The following ANKS1B variants were observed in gnomAD, a reference collection of about 807,000 sequenced individuals.
The protein encoded by ANKS1B is ankyrin repeat and sterile alpha motif domain containing 1B, also known as ankyrin repeat and sterile alpha motif domain-containing protein 1B.
ANKS1B carries 36 observed loss-of-function variants against 148.3 expected under a neutral mutation model. The observed-to-expected ratio is 0.24, with a 90% CI of 0.19 to 0.32. The LOEUF is 0.32. ANKS1B is among the 10% of genes least tolerant of loss of function. The pLI is 1.00. For synonymous variants in ANKS1B, 542 were observed against 560.8 expected (o/e 0.97, Z 0.47); for missense variants, 1,157 against 1,542.6 (o/e 0.75, Z 4.19).
At chr12:99,739,996 A>G (rs1002816883) in intron 8 of ANKS1B, among the ~76,000 whole-genome samples, 1 of 152,178 alleles carries the variant, frequency 6.6e-6, no homozygotes, top group Non-Finnish European at 1.5e-5. Context: ...GGATCCACTA[A>G]GAACATTACC....
intron 21 of ANKS1B, among the ~76,000 whole-genome samples, chr12:98,799,994 T>C (rs1318802977): frequency 6.6e-6 from 1 of 152,066 alleles, no homozygotes; most frequent in Non-Finnish European, 1.5e-5. Flanking sequence ...GGAACCACTC[T>C]TGTGGACTAG....
chr12:99,335,363 A>G (rs1335581627), intron 12 of ANKS1B, among the ~76,000 whole-genome samples: 2 of 152,022 alleles, frequency 1.3e-5, no homozygotes, highest in East Asian at 3.8e-4. Flanking sequence ...GAACATTCCA[A>G]TTATATTGTT....
At chr12:99,542,834 A>T (rs958855338) in intron 9 of ANKS1B, among the ~76,000 whole-genome samples, 3 of 152,114 alleles carry the variant, frequency 2.0e-5, no homozygotes, top group Non-Finnish European at 4.4e-5. Context: ...TACAAAAATG[A>T]ACTCAAAATG....
intron 3 of ANKS1B, among the ~76,000 whole-genome samples, chr12:99,809,008 C>T (rs116220745): frequency 2.9e-3 from 434 of 152,162 alleles, no homozygotes; most frequent in African/African-American, 9.2e-3. Context: ...CCTCAGTGGA[C>T]GCCACAACGG....
At chr12:99,462,380 G>C (rs914012926) in intron 10 of ANKS1B, among the ~76,000 whole-genome samples, 1 of 152,188 alleles carries the variant, frequency 6.6e-6, no homozygotes, top group African/African-American at 2.4e-5. Flanking sequence ...CCCAGTTTCA[G>C]AATTCCCTAG....
chr12:99,218,940 A>G (rs868348293), intron 14 of ANKS1B, among the ~76,000 whole-genome samples: 1 of 152,226 alleles, frequency 6.6e-6, no homozygotes, highest in African/African-American at 2.4e-5. Context: ...TGACCTATAT[A>G]CGTATTATAC....
At chr12:99,497,289 C>T (rs2096613335) in intron 10 of ANKS1B, among the ~76,000 whole-genome samples, 1 of 152,168 alleles carries the variant, frequency 6.6e-6, no homozygotes, top group Admixed American at 6.5e-5. Context: ...TGTACATGTT[C>T]AGCACAGACC....
chr12:99,792,549 G>A (rs1462596833), intron 4 of ANKS1B, among the ~76,000 whole-genome samples: 1 of 151,842 alleles, frequency 6.6e-6, no homozygotes, highest in Admixed American at 6.6e-5. Context: ...ATGCAAGGAT[G>A]GTTCAACATA....
intron 12 of ANKS1B, among the ~76,000 whole-genome samples, chr12:99,389,881 G>A (rs1415549203): frequency 1.3e-5 from 2 of 152,140 alleles, no homozygotes; most frequent in Non-Finnish European, 2.9e-5. Flanking sequence ...GCGCTTGTAG[G>A]ACTCTGGCTG....
At chr12:98,736,663 CA>C (rs1375481585) in intron 9 of ANKS1B, among the ~76,000 whole-genome samples, 1 of 151,688 alleles carries the variant, frequency 6.6e-6, no homozygotes, top group African/African-American at 2.4e-5. Flanking sequence ...ATAGAAAAGA[CA>C]GGGGGCCCCA....
chr12:99,094,372 T>A (rs1182826442), intron 15 of ANKS1B, among the ~76,000 whole-genome samples: 1 of 152,252 alleles, frequency 6.6e-6, no homozygotes, highest in African/African-American at 2.4e-5. Context: ...ACAATTATTA[T>A]CCTTATTTAC....
intron 17 of ANKS1B, among the ~76,000 whole-genome samples, chr12:98,943,957 G>A (rs1187290798): frequency 6.6e-6 from 1 of 152,154 alleles, no homozygotes; most frequent in Non-Finnish European, 1.5e-5. Flanking sequence ...CCATCCCCTT[G>A]GTGATGAATG....
chr12:99,173,374 A>AT (rs2153836920), intron 14 of ANKS1B, among the ~76,000 whole-genome samples: 2 of 152,250 alleles, frequency 1.3e-5, no homozygotes, highest in South Asian at 4.1e-4. Context: ...TTTCTGCTTC[A>AT]TTTTTCCAGC....
intron 4 of ANKS1B, among the ~76,000 whole-genome samples, chr12:99,799,216 T>C (rs1183832070): frequency 1.3e-5 from 2 of 152,114 alleles, no homozygotes; most frequent in African/African-American, 4.8e-5. Context: ...ATTCCTCTTT[T>C]AACTGCTTCT....
chr12:98,859,005 G>A (rs1433981245), intron 17 of ANKS1B, among the ~76,000 whole-genome samples: 1 of 152,206 alleles, frequency 6.6e-6, no homozygotes, highest in African/African-American at 2.4e-5. Context: ...TTTCAGGCAG[G>A]TGGGTAAATC....
chr12:99,542,663 A>G (rs1441254094), intron 9 of ANKS1B, among the ~76,000 whole-genome samples: 9 of 152,138 alleles, frequency 5.9e-5, no homozygotes. Flanking sequence ...CCCAATTTCA[A>G]AGACTACTAA....
intron 17 of ANKS1B, among the ~76,000 whole-genome samples, chr12:98,936,249 T>C (rs1272761790): frequency 2.0e-5 from 3 of 152,188 alleles, no homozygotes; most frequent in Non-Finnish European, 2.9e-5. Context: ...GGAAAGCATA[T>C]TCTGTGGCAA....
chr12:98,852,583 A>G (rs545855448), intron 17 of ANKS1B, among the ~76,000 whole-genome samples: 2 of 152,244 alleles, frequency 1.3e-5, no homozygotes, highest in South Asian at 4.2e-4. Flanking sequence ...ATGGGCACTG[A>G]GCTGGGTGTT....
At chr12:99,765,363 T>C (rs1228867765) in intron 8 of ANKS1B, among the ~76,000 whole-genome samples, 1 of 152,208 alleles carries the variant, frequency 6.6e-6, no homozygotes, top group Non-Finnish European at 1.5e-5. Context: ...ATTTTTTTAG[T>C]AGCTACATCT....
Sources: allele counts gnomAD v4.1 joint callset (sites outside exome capture counted in the v4.1 genomes callset), GRCh38; gene constraint gnomAD v4.1.1; transcripts MANE v1.5; gene names NCBI Gene and HGNC (gene_info 2026-07-23, HGNC 2026-07-21).